Variants in PRKN observed in about 807,000 individuals in gnomAD.
The protein encoded by PRKN is E3 ubiquitin-protein ligase parkin.
In PRKN, 56 loss-of-function variants were observed where a neutral mutation model predicts 59.5. That is an observed-to-expected ratio of 0.94 (90% CI 0.76 to 1.18). The LOEUF (loss-of-function observed/expected upper bound fraction) is 1.18. Ranked by LOEUF, PRKN falls within the 50% of genes most tolerant of loss-of-function variation. PRKN has a pLI of 0.00. For synonymous variants in PRKN, 250 were observed against 222.1 expected (o/e 1.13, Z -1.12); for missense variants, 657 against 596.4 (o/e 1.10, Z -1.06).
intron 9 of PRKN, among the ~76,000 whole-genome samples, chr6:161,433,888 A>T (rs184684803): frequency 3.3e-5 from 5 of 152,096 alleles, no homozygotes; most frequent in Admixed American, 2.6e-4. Flanking sequence ...GTGGTGGCAC[A>T]CGTCTGTAAT....
At chr6:162,134,785 A>T (rs772786951) in intron 4 of PRKN, among the ~76,000 whole-genome samples, 1 of 152,202 alleles carries the variant, frequency 6.6e-6, no homozygotes, top group Non-Finnish European at 1.5e-5. Context: ...AAAAAGAAAG[A>T]GTGGATGTCA....
chr6:162,502,676 T>C (rs1027377131), intron 1 of PRKN, among the ~76,000 whole-genome samples: 16 of 152,264 alleles, frequency 1.1e-4, no homozygotes, highest in African/African-American at 3.8e-4. Flanking sequence ...AAAAACTGAC[T>C]TTAAAGTTAA....
At chr6:161,944,499 A>G (rs1219766335) in intron 6 of PRKN, among the ~76,000 whole-genome samples, 2 of 151,866 alleles carry the variant, frequency 1.3e-5, no homozygotes, top group East Asian at 3.9e-4. Flanking sequence ...GTTCCTCAGC[A>G]TTGGGCTCCA....
At chr6:162,224,712 A>T (rs571867605) in intron 3 of PRKN, among the ~76,000 whole-genome samples, 1 of 152,256 alleles carries the variant, frequency 6.6e-6, no homozygotes, top group African/African-American at 2.4e-5. Context: ...ATGCTGCTGC[A>T]TCCTCTTTCT....
chr6:161,833,481 T>A (rs921862574), intron 6 of PRKN, among the ~76,000 whole-genome samples: 7 of 152,210 alleles, frequency 4.6e-5, no homozygotes, highest in Non-Finnish European at 7.3e-5. Flanking sequence ...AGCTATAACC[T>A]GATGCTGTTC....
chr6:162,086,810 A>G lies in PRKN; in HGVS notation c.535-32636T>C, dbSNP rs546850482. 4.9e-3 allele frequency among the ~76,000 whole-genome samples: 752 copies of G among 152,314 alleles called. 5 individuals are homozygous for G. Among genetic ancestry groups the G allele is most frequent in the Non-Finnish European group, 8.6e-3 (582 of 68,034 alleles). ...TTATAGGACATTTTTCTCTCTGGTT[A>G]GAATGTAAGTTCCTTGAGAGAACAG... On this transcript the variant is annotated intron_variant, in intron 4 of 11. Transcript: ENST00000366898.
intron 1 of PRKN, among the ~76,000 whole-genome samples, chr6:162,448,577 G>A (rs1481144029): frequency 6.6e-6 from 1 of 152,032 alleles, no homozygotes; most frequent in Non-Finnish European, 1.5e-5. Context: ...ACCCGCCAGA[G>A]AAACCCTTCT....
chr6:161,569,073 T>C (rs1163734080), intron 8 of PRKN, among the ~76,000 whole-genome samples: 8 of 152,232 alleles, frequency 5.3e-5, no homozygotes, highest in Admixed American at 5.2e-4. Context: ...TGCATTTATT[T>C]GTTTGCTCAT....
chr6:161,537,000 C>T (rs192752072), intron 9 of PRKN, among the ~76,000 whole-genome samples: 257 of 152,316 alleles, frequency 1.7e-3, no homozygotes, highest in African/African-American at 5.9e-3. Context: ...TCTCTTTAAT[C>T]CTATCTTTCT....
intron 5 of PRKN, among the ~76,000 whole-genome samples, chr6:161,999,472 C>CACA (rs1781967608): frequency 6.6e-6 from 1 of 152,114 alleles, no homozygotes; most frequent in Non-Finnish European, 1.5e-5. Flanking sequence ...AAAGCACAAG[C>CACA]AGTGAATCCC....
At position 161,363,337 on chromosome 6, in the gene PRKN, C is replaced by G. The variant is rs1310218880; in HGVS notation, c.1168-3132G>C. 6.6e-6 allele frequency among the ~76,000 whole-genome samples: 1 copy of G among 151,974 alleles called. No homozygotes were observed. Among genetic ancestry groups the G allele is most frequent in the Non-Finnish European group, 1.5e-5 (1 of 68,002 alleles). On this transcript the variant is annotated intron_variant, in intron 10 of 11. Transcript: ENST00000366898. The surrounding 1 kb of genome is among the most constrained non-coding windows in gnomAD (Gnocchi z 4.1). ...TGGAATAAGAGACTGTCACAATTAA[C>G]CAGGGAGATGTAAAAAAGAAACAAA... is the stretch of plus-strand genomic sequence containing the variant.
intron 2 of PRKN, among the ~76,000 whole-genome samples, chr6:162,442,738 G>A (rs944396473): frequency 6.6e-6 from 1 of 152,092 alleles, no homozygotes; most frequent in African/African-American, 2.4e-5. Context: ...AAGGTATACT[G>A]TTGTTGTGCT....
In PRKN at chr6:161,698,768, T is replaced by C. The variant is rs114956887; in HGVS notation, c.871+87004A>G. ...ACATAATTTGATATTCATATGCAAATAAACTTTGATTCCCACTGATTTGCA... is the reference window on the plus strand; with the variant it reads ...ACATAATTTGATATTCATATGCAAACAAACTTTGATTCCCACTGATTTGCA... On this transcript the variant is annotated intron_variant, in intron 7 of 11. Transcript: ENST00000366898. Among the ~76,000 whole-genome samples the C allele has an allele frequency of 5.4e-3, 829 of 152,252 alleles. 14 individuals are homozygous for C. The highest frequency in any genetic ancestry group is 0.019 in the African/African-American group (787 of 41,566).
intron 1 of PRKN, among the ~76,000 whole-genome samples, chr6:162,500,474 A>G (rs1793316207): frequency 6.6e-6 from 1 of 152,174 alleles, no homozygotes; most frequent in Non-Finnish European, 1.5e-5. Context: ...GCCCGGCCCA[A>G]ACAGCCATTC....
rs1374993341 is a variant in PRKN at position 162,056,089 on chromosome 6, C to G, written c.535-1915G>C. On this transcript the variant is annotated intron_variant, in intron 4 of 11. Transcript: ENST00000366898. This position sits in a 1 kb window ranked among gnomAD's most constrained non-coding sequence, Gnocchi z 4.9. ...TACACGTGCACACACATCCCACACACCTCACACACCCCACACACATATACC... is the reference window on the plus strand; with the variant it reads ...TACACGTGCACACACATCCCACACAGCTCACACACCCCACACACATATACC... Among the ~76,000 whole-genome samples, 1 of 150,360 alleles carries G rather than the reference C, an allele frequency of 6.7e-6. No individual in the cohort carries two copies. The highest frequency in any genetic ancestry group is 1.5e-5 in the Non-Finnish European group (1 of 67,636).
chr6:162,202,999 C>G (rs531400091), intron 3 of PRKN, among the ~76,000 whole-genome samples: 1 of 152,204 alleles, frequency 6.6e-6, no homozygotes, highest in African/African-American at 2.4e-5. Context: ...AGAAAAGGAA[C>G]AGGAAAAGCA....
At chr6:162,577,490 C>T (rs996232162) in intron 1 of PRKN, among the ~76,000 whole-genome samples, 2 of 152,068 alleles carry the variant, frequency 1.3e-5, no homozygotes, top group Non-Finnish European at 2.9e-5. Context: ...ATCCCAGCTA[C>T]TCAGGAGGCT....
chr6:161,769,109 T>G (rs1156637719), intron 7 of PRKN, among the ~76,000 whole-genome samples: 1 of 152,236 alleles, frequency 6.6e-6, no homozygotes, highest in East Asian at 1.9e-4. Context: ...AGGAATTAAT[T>G]ATTCCTATAT....
At chr6:162,573,421 C>T (rs1372940509) in intron 1 of PRKN, among the ~76,000 whole-genome samples, 2 of 152,158 alleles carry the variant, frequency 1.3e-5, no homozygotes, top group Admixed American at 6.5e-5. Context: ...GGTCCCCTTC[C>T]TGAGGATCAT....
Sources: allele counts gnomAD v4.1 joint callset (sites outside exome capture counted in the v4.1 genomes callset), GRCh38; gene constraint gnomAD v4.1.1; non-coding constraint Gnocchi (gnomAD v3.1); transcripts MANE v1.5; gene names NCBI Gene and HGNC (gene_info 2026-07-23, HGNC 2026-07-21).